Variants in M1AP observed in about 807,000 individuals in gnomAD.
M1AP encodes the protein meiosis 1 arrest protein.
A neutral mutation model predicts 51.2 loss-of-function variants in M1AP; 39 were observed. The observed-to-expected ratio is 0.76, with a 90% CI of 0.59 to 1.00. The LOEUF is 1.00. Among genes scored for constraint, M1AP ranks in the 50% least tolerant of loss-of-function variants. The probability of loss-of-function intolerance (pLI) is 0.00; values close to 1 mark genes in which losing one functional copy is unlikely to be tolerated. For missense variants in M1AP, 545 were observed against 641.2 expected (o/e 0.85, Z 1.62); for synonymous variants, 251 against 249.2 (o/e 1.01, Z -0.07).
intron 3 of M1AP, among the ~76,000 whole-genome samples, chr2:74,613,022 T>C (rs1418332715): frequency 6.6e-6 from 1 of 152,182 alleles, no homozygotes; most frequent in Non-Finnish European, 1.5e-5. Context: ...TTTCTATTGA[T>C]ACATCCTCAA....
At chr2:74,559,783 A>T (rs1205824813) in intron 9 of M1AP, 74 bp from the exon 10 acceptor site, 6 of 711,740 alleles carry the variant, frequency 8.4e-6, no homozygotes, top group Non-Finnish European at 1.6e-5. Flanking sequence ...GGTGCTCTAT[A>T]AATATTAATT....
At chr2:74,623,779 C>A (rs1157862932) in intron 2 of M1AP, among the ~76,000 whole-genome samples, 1 of 152,170 alleles carries the variant, frequency 6.6e-6, no homozygotes, top group Non-Finnish European at 1.5e-5. Context: ...TCAAGCGATT[C>A]TCTCTCCTTA....
intron 7 of M1AP, among the ~76,000 whole-genome samples, chr2:74,563,892 T>C (rs1678204292): frequency 1.3e-5 from 2 of 152,324 alleles, no homozygotes; most frequent in African/African-American, 4.8e-5. Context: ...GCAATTTTTT[T>C]TGTGGTAGCT....
chr2:74,613,166 T>C (rs946335878), intron 3 of M1AP, among the ~76,000 whole-genome samples: 1 of 152,244 alleles, frequency 6.6e-6, no homozygotes, highest in East Asian at 1.9e-4. Flanking sequence ...TCTGCTTACA[T>C]TGCCCATATG....
At chr2:74,641,781 T>G (rs1683312840) in intron 1 of M1AP, among the ~76,000 whole-genome samples, 1 of 149,276 alleles carries the variant, frequency 6.7e-6, no homozygotes, top group Non-Finnish European at 1.5e-5. Context: ...CAGCCAAGAA[T>G]TTCAATCTTA....
At chr2:74,647,323 T>C (rs1683668412) in intron 1 of M1AP, 2 of 985,348 alleles carry the variant, frequency 2.0e-6, no homozygotes, top group African/African-American at 3.5e-5. Context: ...GATGTTCTGT[T>C]CCGTGCTGAG....
At chr2:74,588,053 G>C (rs183462980) in intron 4 of M1AP, among the ~76,000 whole-genome samples, 1 of 152,158 alleles carries the variant, frequency 6.6e-6, no homozygotes, top group East Asian at 1.9e-4. Flanking sequence ...TAGAGGCCCA[G>C]GAAAGTAGAG....
chr2:74,567,156 C>A (rs996961375), intron 7 of M1AP, among the ~76,000 whole-genome samples: 3 of 152,008 alleles, frequency 2.0e-5, no homozygotes, highest in African/African-American at 7.3e-5. Context: ...TATTTCCTAC[C>A]ACATTCCACA....
intron 3 of M1AP, among the ~76,000 whole-genome samples, chr2:74,608,064 G>A (rs1055449403): frequency 6.6e-6 from 1 of 152,060 alleles, no homozygotes; most frequent in Non-Finnish European, 1.5e-5. Context: ...TGCAATTGAT[G>A]AACCTATATT....
At chr2:74,613,782 T>C (rs990202790) in intron 3 of M1AP, among the ~76,000 whole-genome samples, 41 of 152,192 alleles carry the variant, frequency 2.7e-4, no homozygotes, top group Non-Finnish European at 2.2e-4. Flanking sequence ...GAGGGAATTT[T>C]CCCCCGATGT....
chr2:74,602,546 T>C (rs1005332344), intron 4 of M1AP, among the ~76,000 whole-genome samples: 2 of 152,200 alleles, frequency 1.3e-5, no homozygotes, highest in Non-Finnish European at 2.9e-5. Flanking sequence ...GTTGCATAGC[T>C]AGAAAGTTAT....
chr2:74,629,395 G>A (rs1573177619), intron 2 of M1AP, among the ~76,000 whole-genome samples: 5 of 152,130 alleles, frequency 3.3e-5, no homozygotes, highest in African/African-American at 9.7e-5. Context: ...GTGGAAAACC[G>A]CACATCTGAC....
intron 7 of M1AP, among the ~76,000 whole-genome samples, chr2:74,569,668 C>G (rs948215357): frequency 6.6e-6 from 1 of 151,588 alleles, no homozygotes; most frequent in African/African-American, 2.4e-5. Context: ...AGTCACTGTG[C>G]CCAGCCCTCC....
At chr2:74,641,077 A>C (rs1683271268) in intron 1 of M1AP, among the ~76,000 whole-genome samples, 1 of 152,138 alleles carries the variant, frequency 6.6e-6, no homozygotes, top group Admixed American at 6.5e-5. Context: ...TTAAAAATGA[A>C]AATATGACTA....
intron 2 of M1AP, among the ~76,000 whole-genome samples, chr2:74,616,916 C>G (rs1422444833): frequency 6.6e-6 from 1 of 152,134 alleles, no homozygotes; most frequent in African/African-American, 2.4e-5. Context: ...CATTCAGTAT[C>G]AATTTTTATT....
At chr2:74,630,560 C>T (rs1366808506) in intron 2 of M1AP, among the ~76,000 whole-genome samples, 6 of 152,178 alleles carry the variant, frequency 3.9e-5, no homozygotes, top group Admixed American at 6.5e-5. Flanking sequence ...TCAGCTCCCA[C>T]TTATGAGTGA....
At chr2:74,589,415 G>A (rs749582642) in intron 4 of M1AP, among the ~76,000 whole-genome samples, 3 of 152,196 alleles carry the variant, frequency 2.0e-5, no homozygotes, top group Non-Finnish European at 4.4e-5. Context: ...TTGCAATTTG[G>A]TATTGCTCAG....
At position 74,615,044 on chromosome 2, in the gene M1AP, C is replaced by T. The variant is rs1349041891; in HGVS notation, c.346G>A (p.Val116Ile). ...RSQGASLRLA[V>I]EDGLQQFKQY... Reference sequence around the variant, plus strand: ...TTGAATTGCTGGAGCCCATCCTCTACTGCCAGCCGCAGAGAAGCACCTTGT... The same window carrying T: ...TTGAATTGCTGGAGCCCATCCTCTATTGCCAGCCGCAGAGAAGCACCTTGT... Residue 116 changes from valine to isoleucine, a missense_variant, in exon 3 of 11, where the codon GTA becomes ATA. By Grantham distance (29) the Val-to-Ile change is conservative. Transcript: ENST00000421985. 1 of 1,614,076 alleles carries T rather than the reference C, an allele frequency of 6.2e-7. No homozygotes were observed. Among genetic ancestry groups the T allele is most frequent in the African/African-American group, 1.3e-5 (1 of 74,932 alleles).
chr2:74,648,213 G>T, intron 1 of M1AP, 52 bp downstream of exon 1: 1 of 960,308 alleles, frequency 1.0e-6, no homozygotes, highest in Non-Finnish European at 1.2e-6. Context: ...CTGCGAAGTG[G>T]TGCCGGCTGC....
Sources: allele counts gnomAD v4.1 joint callset (sites outside exome capture counted in the v4.1 genomes callset), GRCh38; gene constraint gnomAD v4.1.1; transcripts MANE v1.5; gene names NCBI Gene and HGNC (gene_info 2026-07-23, HGNC 2026-07-21).